The following CLTRN variants were observed in gnomAD, a reference collection of about 807,000 sequenced individuals.
CLTRN encodes the protein collectrin.
Under a neutral mutation model 14.5 loss-of-function variants are expected in CLTRN, and 12 were observed. That is an observed-to-expected ratio of 0.83 (90% CI 0.53 to 1.34). The LOEUF (loss-of-function observed/expected upper bound fraction) is 1.34. Ranked by LOEUF, CLTRN falls within the 40% of genes most tolerant of loss-of-function variation. CLTRN has a pLI of 0.00. For synonymous variants in CLTRN, 58 were observed against 56.5 expected, an observed-to-expected ratio of 1.03 and a Z score of -0.12; for missense variants, 154 against 165.1, an observed-to-expected ratio of 0.93 and a Z score of 0.37.
At chrX:15,656,717 C>T (rs917076775) in intron 3 of CLTRN, among the ~76,000 whole-genome samples, 1 of 111,251 alleles carries the variant, frequency 9.0e-6, no homozygotes, top group African/African-American at 3.3e-5. Context: ...AGGGGTGCAG[C>T]TTCCAATATG....
At chrX:15,628,413 T>C (rs1028530278) in intron 5 of CLTRN, among the ~76,000 whole-genome samples, 2 of 111,765 alleles carry the variant, frequency 1.8e-5, no homozygotes. Flanking sequence ...TGAATATGTA[T>C]ATGAATATGA....
upstream of CLTRN, among the ~76,000 whole-genome samples, chrX:15,665,798 T>C (rs1159692759): frequency 2.7e-5 from 3 of 112,484 alleles, no homozygotes; most frequent in Non-Finnish European, 5.6e-5. Context: ...TCTCTGATCC[T>C]CAGACACTTC....
intron 1 of CLTRN, among the ~76,000 whole-genome samples, chrX:15,673,642 C>A (rs1929759788): frequency 8.9e-6 from 1 of 112,411 alleles, no homozygotes; most frequent in Non-Finnish European, 1.9e-5. Flanking sequence ...GTCTTTTACT[C>A]TGTGCTCCTT....
rs139701473 is a variant in CLTRN at position 15,637,753 on chromosome X, C to G, written c.512+1809G>C. 4.3e-3 allele frequency among the ~76,000 whole-genome samples: 483 copies of G among 112,337 alleles called. 3 individuals carry two copies. Among genetic ancestry groups the G allele is most frequent in the African/African-American group, 0.015 (468 of 30,947 alleles). On this transcript the variant is annotated intron_variant, in intron 5 of 5. Coordinates refer to ENST00000380342, the MANE Select transcript of CLTRN (RefSeq NM_020665.6). ...CACTCACTGTGTGCCAGATACCACT[C>G]TAAGCACTCTATGTATTAACTCTTT...
intron 5 of CLTRN, among the ~76,000 whole-genome samples, chrX:15,638,828 G>T (rs903176826): frequency 1.8e-5 from 2 of 111,763 alleles, no homozygotes; most frequent in Non-Finnish European, 3.8e-5. Context: ...CTAGGTAAAC[G>T]AACTCAAGAA....
intron 3 of CLTRN, among the ~76,000 whole-genome samples, chrX:15,651,584 C>T (rs1929217399): frequency 9.0e-6 from 1 of 111,525 alleles, no homozygotes; most frequent in South Asian, 3.8e-4. Flanking sequence ...CAAAGAGCAC[C>T]TGTTTTAATT....
At chrX:15,632,403 C>A (rs1009026190) in intron 5 of CLTRN, among the ~76,000 whole-genome samples, 1 of 109,563 alleles carries the variant, frequency 9.1e-6, no homozygotes, top group African/African-American at 3.3e-5. Flanking sequence ...TATGGTGAAA[C>A]CCCATCTCTA....
chrX:15,643,450 A>G (rs1413903189), intron 4 of CLTRN, among the ~76,000 whole-genome samples: 2 of 112,048 alleles, frequency 1.8e-5, no homozygotes, highest in African/African-American at 6.5e-5. Context: ...GAACATATTC[A>G]TGTATTAATA....
Position 15,646,462 on chromosome X carries a change from A to ACCCCCCCCCCCCCC in CLTRN, c.204-1434_204-1433insGGGGGGGGGGGGGG, listed in dbSNP as rs111413791. 70 of 177,430 alleles carry ACCCCCCCCCCCCCC rather than the reference A, an allele frequency of 3.9e-4. 1 individual carries two copies. The highest frequency in any genetic ancestry group is 6.0e-4 in the Admixed American group (10 of 16,550). The allele number at this position is 177,430 out of a possible 1,213,427, so 14.6% of individuals were successfully genotyped here. A position where few individuals can be genotyped will look rare whatever the true frequency, so the allele number is the denominator to read the frequency against. On this transcript the variant is annotated intron_variant, in intron 3 of 5. Transcript: ENST00000380342. ...CTCTGGGCCAGAAAACCGCGCACCCACCCCCCCGCCCGACCCCCGCGCCAG... is the reference window on the plus strand; with the variant it reads ...CTCTGGGCCAGAAAACCGCGCACCCACCCCCCCCCCCCCCCCCCCCCGCCCGACCCCCGCGCCAG...
chrX:15,656,254 G>C (rs1361302099), intron 3 of CLTRN, among the ~76,000 whole-genome samples: 1 of 112,153 alleles, frequency 8.9e-6, no homozygotes, highest in African/African-American at 3.2e-5. Context: ...TTCCAAATAG[G>C]AAGAGGCATG....
At chrX:15,662,545 G>C (rs1449225214) in intron 2 of CLTRN, among the ~76,000 whole-genome samples, 1 of 109,711 alleles carries the variant, frequency 9.1e-6, no homozygotes, top group African/African-American at 3.4e-5. Context: ...CTGTTGTTTT[G>C]CAACAGCAAA....
intron 1 of CLTRN, among the ~76,000 whole-genome samples, chrX:15,671,844 GCACACACACACACA>G (rs199900262): frequency 0.013 from 1,166 of 90,026 alleles, 10 homozygotes; most frequent in African/African-American, 0.023. Context: ...TTTTATGCGC[GCACACACACACACA>G]CACACACACA....
chrX:15,667,071 A>G (rs1929634859), upstream of CLTRN, among the ~76,000 whole-genome samples: 1 of 110,588 alleles, frequency 9.0e-6, no homozygotes, highest in African/African-American at 3.3e-5. Context: ...CCCCATCTCT[A>G]CTAAAAGTAC....
At chrX:15,645,109 CT>C (rs1929032631) in intron 3 of CLTRN, 80 bp from the exon 4 acceptor site, 1 of 544,553 alleles carries the variant, frequency 1.8e-6, no homozygotes, top group Non-Finnish European at 3.0e-6. Flanking sequence ...GATGCTACTA[CT>C]ATCTTAAGAG....
chrX:15,646,608 A>G (rs925643756), intron 3 of CLTRN: 5 of 339,665 alleles, frequency 1.5e-5, no homozygotes, highest in Admixed American at 1.2e-4. Context: ...CGCTCCTCCC[A>G]GCTGGGACTA....
At position 15,639,663 on chromosome X, in the gene CLTRN, G is replaced by T. The variant is rs1291794728; in HGVS notation, c.411C>A (p.Asp137Glu). The T allele has an allele frequency of 2.5e-6, 3 of 1,209,449 alleles. No individual in the cohort carries two copies. In the Admixed American group the frequency reaches 6.5e-5, roughly 26 times the overall value. Residue 137 changes from aspartate to glutamate, a missense_variant, in exon 5 of 6, where the codon GAC (aspartate) becomes GAA (glutamate). Transcript: ENST00000380342. ...KIPSTLAPPM[D>E]PSVPIWIIIF... ...TAATAATCCAGATGGGCACAGATGG[G>T]TCCATGGGTGGTGCAAGTGTGGAAG...
intron 5 of CLTRN, among the ~76,000 whole-genome samples, chrX:15,630,596 A>G (rs1328318918): frequency 1.8e-5 from 2 of 112,531 alleles, no homozygotes; most frequent in East Asian, 5.5e-4. Flanking sequence ...ATCAAATATC[A>G]CAATTAAACA....
intron 5 of CLTRN, among the ~76,000 whole-genome samples, chrX:15,632,707 T>A (rs1365538970): frequency 9.7e-6 from 1 of 103,578 alleles, no homozygotes; most frequent in Non-Finnish European, 2.0e-5. Context: ...CTGGCTGACA[T>A]GATGAAACTA....
At chrX:15,648,216 C>T (rs1929133597) in intron 3 of CLTRN, among the ~76,000 whole-genome samples, 1 of 111,561 alleles carries the variant, frequency 9.0e-6, no homozygotes, top group East Asian at 2.8e-4. Flanking sequence ...TCAATCAGTA[C>T]GGGACTAAAG....
Sources: gnomAD v4.1 joint callset for allele counts (sites outside exome capture counted in the v4.1 genomes callset) on GRCh38, gnomAD v4.1.1 for gene constraint, MANE v1.5 for transcripts, NCBI Gene and HGNC (gene_info 2026-07-23, HGNC 2026-07-21) for gene names.